The following MAP2K3 variants were observed in gnomAD, a reference collection of about 807,000 sequenced individuals.
MAP2K3 encodes the protein dual specificity mitogen-activated protein kinase kinase 3.
In MAP2K3, 30 loss-of-function variants were observed where a neutral mutation model predicts 46.4. The ratio of observed to expected loss-of-function variants is 0.65; its 90% CI spans 0.48 to 0.88. The LOEUF (loss-of-function observed/expected upper bound fraction) is 0.88. Among genes scored for constraint, MAP2K3 ranks in the 40% least tolerant of loss-of-function variants. The pLI, the probability that MAP2K3 is intolerant of heterozygous loss-of-function variation, is 0.00. For synonymous variants in MAP2K3, 189 were observed against 176.3 expected (o/e 1.07, Z -0.57); for missense variants, 380 against 464.5 (o/e 0.82, Z 1.67).
rs984533307 is a variant in MAP2K3, at chr17:21,284,751, T to C, written c.-170T>C. On this transcript the variant is annotated 5_prime_UTR_variant, in exon 1 of 12. Coordinates refer to ENST00000342679, the MANE Select transcript of MAP2K3 (RefSeq NM_145109.3). ...CCGCCCGTCGCGGACTCGTCCTTGCTGCAGTCGCCGCCGCAGTCCTCGCCG... is the reference window on the plus strand; with the variant it reads ...CCGCCCGTCGCGGACTCGTCCTTGCCGCAGTCGCCGCCGCAGTCCTCGCCG... The C allele has an allele frequency of 3.2e-6, 2 of 631,196 alleles. No homozygotes were observed. The highest frequency in any genetic ancestry group is 2.0e-5 in the African/African-American group (1 of 50,810). The allele number at this position is 631,196 out of a possible 1,614,324, so 39.1% of individuals were successfully genotyped here.
In MAP2K3 at chr17:21,300,754, C is replaced by T. The variant is rs527866661; in HGVS notation, c.279+96C>T. The T allele has an allele frequency of 6.7e-5, 107 of 1,605,702 alleles. No homozygotes were observed. In the African/African-American group the frequency reaches 8.3e-4, roughly 12 times the overall value. Reference sequence around the variant, plus strand: ...GCCTATCCCTCTCAGTGATCAGTACCGAGGCTAGGCTTTTTGGGGCACACT... The same window carrying T: ...GCCTATCCCTCTCAGTGATCAGTACTGAGGCTAGGCTTTTTGGGGCACACT... On this transcript the variant is annotated intron_variant, in intron 4 of 11. Transcript: ENST00000342679.
intron 1 of MAP2K3, chr17:21,285,289 C>T (rs1220714341): frequency 2.0e-6 from 2 of 985,208 alleles, no homozygotes; most frequent in East Asian, 1.1e-4. Flanking sequence ...GCAGCCTGGA[C>T]ATGAACTCTC....
Position 21,298,877 on chromosome 17 carries a change from G to A in MAP2K3, c.117-1G>A, listed in dbSNP as rs745914701. 17 of 1,614,296 alleles carry A rather than the reference G, an allele frequency of 1.1e-5. No individual in the cohort carries two copies. The highest frequency in any genetic ancestry group is 9.3e-5 in the African/African-American group (7 of 75,086). On this transcript the variant is annotated splice_acceptor_variant, in intron 2 of 11. Transcript: ENST00000342679. LOFTEE classifies it high-confidence loss of function. Reference sequence around the variant, plus strand: ...GCTCACGGAGTCTTCTTTCTCCACAGACCCCCCCGGAACCTGGACTCCCGG... The same window carrying A: ...GCTCACGGAGTCTTCTTTCTCCACAAACCCCCCCGGAACCTGGACTCCCGG...
intron 10 of MAP2K3, 65 bp from the exon 11 acceptor site, chr17:21,313,427 G>T (rs1370355315): frequency 9.7e-6 from 14 of 1,449,840 alleles, no homozygotes; most frequent in East Asian, 2.4e-5. Context: ...GGGTGGTTTG[G>T]CTGGCCCTTG....
chr17:21,306,184 A>C (rs1976883598), intron 9 of MAP2K3, among the ~76,000 whole-genome samples: 1 of 152,234 alleles, frequency 6.6e-6, no homozygotes, highest in South Asian at 2.1e-4. Flanking sequence ...TGCCCCCAAC[A>C]TCACACACCA....
At chr17:21,294,344 G>T (rs1216689731) in intron 1 of MAP2K3, among the ~76,000 whole-genome samples, 2 of 152,310 alleles carry the variant, frequency 1.3e-5, no homozygotes, top group Non-Finnish European at 2.9e-5. Flanking sequence ...TACTTCTGTT[G>T]TCAGAAACCT....
At chr17:21,288,212 T>G in intron 1 of MAP2K3, 1 of 701,856 alleles carries the variant, frequency 1.4e-6, no homozygotes, top group Non-Finnish European at 2.1e-6. Context: ...GTCCTGCAGG[T>G]GGCACCTAGC....
At position 21,284,869 on chromosome 17, in the gene MAP2K3, G is replaced by A; in HGVS notation, c.-52G>A. Reference sequence around the variant, plus strand: ...CATGAGCGTGCTCGGCCCCGGTGGAGCCCGCAGTCCTCTAGATTAGTCTCC... The same window carrying A: ...CATGAGCGTGCTCGGCCCCGGTGGAACCCGCAGTCCTCTAGATTAGTCTCC... On this transcript the variant is annotated 5_prime_UTR_variant, in exon 1 of 12. Transcript: ENST00000342679. 1.3e-6 allele frequency: 2 copies of A among 1,592,760 alleles called. No homozygotes were observed. Among genetic ancestry groups the A allele is most frequent in the Admixed American group, 1.7e-5 (1 of 58,524 alleles).
At chr17:21,307,040 C>CTACCAG (rs1477078217) in intron 9 of MAP2K3, among the ~76,000 whole-genome samples, 2 of 152,310 alleles carry the variant, frequency 1.3e-5, no homozygotes, top group African/African-American at 4.8e-5. Flanking sequence ...CCTACCTCGG[C>CTACCAG]CTCCCAAAGT....
chr17:21,291,103 G>A (rs1975897516), intron 1 of MAP2K3, among the ~76,000 whole-genome samples: 1 of 152,420 alleles, frequency 6.6e-6, no homozygotes, highest in African/African-American at 2.4e-5. Context: ...AATTAACCGG[G>A]CGTGGTGGCA....
chr17:21,284,872 C>G lies in MAP2K3; in HGVS notation c.-49C>G. On this transcript the variant is annotated 5_prime_UTR_variant, in exon 1 of 12. Transcript: ENST00000342679. ...GAGCGTGCTCGGCCCCGGTGGAGCC[C>G]GCAGTCCTCTAGATTAGTCTCCACC... The G allele has an allele frequency of 1.3e-6, 2 of 1,597,874 alleles. No homozygotes were observed. Among genetic ancestry groups the G allele is most frequent in the South Asian group, 1.1e-5 (1 of 89,324 alleles).
intron 1 of MAP2K3, chr17:21,285,277 C>T: frequency 8.1e-6 from 8 of 985,378 alleles, no homozygotes; most frequent in Non-Finnish European, 9.6e-6. Context: ...GGCCTTATGG[C>T]TGCAGCCTGG....
intron 1 of MAP2K3, chr17:21,296,332 CT>C: frequency 1.7e-6 from 1 of 578,124 alleles, no homozygotes; most frequent in Non-Finnish European, 2.7e-6. Context: ...AGCCCAGAGC[CT>C]CAGAAGTTCA....
chr17:21,299,099 T>C (rs1976442117), intron 3 of MAP2K3, among the ~76,000 whole-genome samples, 173 bp downstream of exon 3: 1 of 152,278 alleles, frequency 6.6e-6, no homozygotes, highest in South Asian at 2.1e-4. Flanking sequence ...CACCCACTCT[T>C]TGACCCTCCT....
rs750222581 is a variant in MAP2K3 at position 21,300,559 on chromosome 17, G to A, written c.180G>A (p.Glu60=). 98 of 1,611,172 alleles carry A rather than the reference G, an allele frequency of 6.1e-5. No homozygotes were observed. In the Admixed American group the frequency reaches 1.6e-3, roughly 27 times the overall value. The change falls in exon 4 of 12, where the codon GAG becomes GAA. Residue 60 remains glutamate, a synonymous_variant. Coordinates refer to ENST00000342679, the MANE Select transcript of MAP2K3 (RefSeq NM_145109.3). ...ITIGDRNFEV[E]ADDLVTISEL... Reference sequence around the variant, plus strand: ...CATCCTTCAAGAACTTTGAGGTGGAGGCTGATGACTTGGTGACCATCTCAG... The same window carrying A: ...CATCCTTCAAGAACTTTGAGGTGGAAGCTGATGACTTGGTGACCATCTCAG...
chr17:21,305,347 G>C (rs1316726279), intron 9 of MAP2K3, among the ~76,000 whole-genome samples: 1 of 152,298 alleles, frequency 6.6e-6, no homozygotes, highest in East Asian at 1.9e-4. Flanking sequence ...TGGGTGCTTT[G>C]TGATATGGTG....
At position 21,300,930 on chromosome 17, in the gene MAP2K3, C is replaced by T; in HGVS notation, c.336C>T (p.Asp112=). 6.2e-7 allele frequency: 1 copy of T among 1,614,252 alleles called. No homozygotes were observed. Among genetic ancestry groups the T allele is most frequent in the Non-Finnish European group, 8.5e-7 (1 of 1,180,050 alleles). ...QEQKRLLMDL[D]INMRTVDCFY... ...AGAAGCGGCTGCTCATGGACCTGGA[C>T]ATCAACATGCGCACGGTCGACTGTT... is the stretch of plus-strand genomic sequence containing the variant. Residue 112 remains aspartate (D), a synonymous_variant, in exon 5 of 12, where the codon GAC becomes GAT. Coordinates refer to ENST00000342679, the MANE Select transcript of MAP2K3 (RefSeq NM_145109.3).
At chr17:21,296,059 G>A (rs1322060649) in intron 1 of MAP2K3, 1 of 1,289,182 alleles carries the variant, frequency 7.8e-7, no homozygotes, top group South Asian at 1.2e-5. Context: ...TCATTACTTA[G>A]GGCAGTTTTT....
At chr17:21,295,529 A>G (rs991961426) in intron 1 of MAP2K3, 2 of 1,204,206 alleles carry the variant, frequency 1.7e-6, no homozygotes, top group Non-Finnish European at 2.1e-6. Flanking sequence ...CTGCCTGGCC[A>G]TCTGGGCCCA....
Sources: gnomAD v4.1 joint callset for allele counts (sites outside exome capture counted in the v4.1 genomes callset) on GRCh38, gnomAD v4.1.1 for gene constraint, MANE v1.5 for transcripts, NCBI Gene and HGNC (gene_info 2026-07-23, HGNC 2026-07-21) for gene names.